The following GAPVD1 variants were observed in gnomAD, a reference collection of about 807,000 sequenced individuals.
The protein encoded by GAPVD1 is GTPase activating protein and VPS9 domains 1.
A neutral mutation model predicts 155.5 loss-of-function variants in GAPVD1; 35 were observed. That is an observed-to-expected ratio of 0.23 (90% CI 0.17 to 0.30). The LOEUF (loss-of-function observed/expected upper bound fraction) is 0.30, where lower values mean the gene tolerates loss of function less well. GAPVD1 is among the 10% of genes least tolerant of loss of function. GAPVD1 has a pLI of 1.00. For missense variants in GAPVD1, 1,429 were observed against 1,775.7 expected, an observed-to-expected ratio of 0.80 and a Z score of 3.51; for synonymous variants, 636 against 619.7, an observed-to-expected ratio of 1.03 and a Z score of -0.39.
intron 15 of GAPVD1, chr9:125,335,127 C>G (rs1589014854): frequency 1.4e-6 from 1 of 729,882 alleles, no homozygotes; most frequent in East Asian, 2.5e-5. Context: ...GAAAAGGCTA[C>G]TAACATATTG....
At chr9:125,285,692 C>G (rs960074044) in intron 2 of GAPVD1, among the ~76,000 whole-genome samples, 1 of 151,902 alleles carries the variant, frequency 6.6e-6, no homozygotes, top group Non-Finnish European at 1.5e-5. Flanking sequence ...AACTCCTGAC[C>G]TCAGGTGATC....
chr9:125,343,044 T>G (rs1274742642), intron 19 of GAPVD1, among the ~76,000 whole-genome samples: 1 of 152,204 alleles, frequency 6.6e-6, no homozygotes, highest in African/African-American at 2.4e-5. Flanking sequence ...AGCTGTGTAT[T>G]GTTTCCAGTG....
intron 26 of GAPVD1, 91 bp downstream of exon 26, chr9:125,359,583 A>G: frequency 1.4e-6 from 1 of 711,844 alleles, no homozygotes. Flanking sequence ...AGGAACTGAA[A>G]TGTGATAAAA....
chr9:125,335,123 G>T (rs1564420735), intron 15 of GAPVD1: 1 of 723,726 alleles, frequency 1.4e-6, no homozygotes, highest in Non-Finnish European at 2.5e-6. Context: ...TTCTGAAAAG[G>T]CTACTAACAT....
chr9:125,334,345 T>G lies in GAPVD1; in HGVS notation c.2428+1716T>G, dbSNP rs549588434. On this transcript the variant is annotated intron_variant, in intron 15 of 27. Coordinates refer to ENST00000297933, the MANE Select transcript of GAPVD1 (RefSeq NM_001282680.3). ...GGAATAAAAATTACTTAATCACATC[T>G]CAACCCTTGAGTATACACCTTTTTA... Among the ~76,000 whole-genome samples, 3 of 151,184 alleles carry G rather than the reference T, an allele frequency of 2.0e-5. No homozygotes were observed. The East Asian group carries it at 5.9e-4, about 30-fold the overall frequency.
At chr9:125,336,300 A>G (rs987345481) in intron 15 of GAPVD1, among the ~76,000 whole-genome samples, 1 of 151,052 alleles carries the variant, frequency 6.6e-6, no homozygotes, top group Non-Finnish European at 1.5e-5. Context: ...CAAAAAAAAA[A>G]AAAAACAAAA....
At chr9:125,326,863 GAA>G (rs1351635420) in intron 12 of GAPVD1, among the ~76,000 whole-genome samples, 3 of 150,698 alleles carry the variant, frequency 2.0e-5, no homozygotes, top group African/African-American at 7.3e-5. Flanking sequence ...CCAGTGTTTT[GAA>G]TTAGCTTCTG....
intron 17 of GAPVD1, among the ~76,000 whole-genome samples, chr9:125,340,482 C>T (rs1164375794): frequency 4.0e-5 from 6 of 151,766 alleles, no homozygotes; most frequent in Non-Finnish European, 8.8e-5. Context: ...TATTTTTTAT[C>T]GATAAAAAAG....
intron 2 of GAPVD1, among the ~76,000 whole-genome samples, chr9:125,289,361 A>G (rs1045482988): frequency 6.6e-6 from 1 of 151,882 alleles, no homozygotes; most frequent in Non-Finnish European, 1.5e-5. Flanking sequence ...AAGCATAGTT[A>G]GTTAGGAAAC....
rs1413994962 is a variant in GAPVD1, at chr9:125,332,153, A to G, written c.2308+93A>G. 13 of 1,210,176 alleles carry G rather than the reference A, an allele frequency of 1.1e-5. No homozygotes were observed. In the East Asian group the frequency reaches 2.8e-4, roughly 26 times the overall value. 75.0% of individuals were successfully genotyped at this position (1,210,176 alleles called of 1,614,324 possible). On this transcript the variant is annotated intron_variant, in intron 14 of 27. Coordinates refer to ENST00000297933, the MANE Select transcript of GAPVD1 (RefSeq NM_001282680.3). ...AAGTTGATACAAAAAGATATGTTAT[A>G]TTTAAGAGCTGAGTAATTTCCAGAA...
At position 125,362,975 on chromosome 9, in the gene GAPVD1, A is replaced by G. The variant is rs1851153019; in HGVS notation, c.*229A>G. On this transcript the variant is annotated 3_prime_UTR_variant, in exon 28 of 28. Transcript: ENST00000297933. ...ATATTCTATTTTCTTGTCCCCAAGT[A>G]GAGACTAGTACTACAAAAAGGGACC... is the stretch of plus-strand genomic sequence containing the variant. 1.0e-5 allele frequency: 3 copies of G among 293,524 alleles called. No homozygotes were observed. The highest frequency in any genetic ancestry group is 1.9e-5 in the Non-Finnish European group (3 of 158,410). The allele number at this position is 293,524 out of a possible 1,614,324, so 18.2% of individuals were successfully genotyped here. A position where few individuals can be genotyped will look rare whatever the true frequency, so the allele number is the denominator to read the frequency against.
chr9:125,345,836 A>T (rs1428126341), intron 19 of GAPVD1: 1 of 152,122 alleles, frequency 6.6e-6, no homozygotes, highest in Non-Finnish European at 1.5e-5. Flanking sequence ...ACACACACAC[A>T]CAAAATACGT....
At chr9:125,331,650 G>T (rs1050416023) in intron 13 of GAPVD1, among the ~76,000 whole-genome samples, 7 of 152,162 alleles carry the variant, frequency 4.6e-5, no homozygotes. Flanking sequence ...ATACTCTCTT[G>T]TCCAGTTCAC....
At chr9:125,336,034 A>G (rs1380032111) in intron 15 of GAPVD1, among the ~76,000 whole-genome samples, 1 of 151,318 alleles carries the variant, frequency 6.6e-6, no homozygotes, top group Non-Finnish European at 1.5e-5. Flanking sequence ...GCTCACAGCT[A>G]TTTGGGAGGC....
At chr9:125,340,638 A>G (rs1320854398) in intron 17 of GAPVD1, among the ~76,000 whole-genome samples, 2 of 152,024 alleles carry the variant, frequency 1.3e-5, no homozygotes, top group African/African-American at 2.4e-5. Flanking sequence ...GCCCTTCTGG[A>G]GTTTATTTGT....
At chr9:125,314,586 G>A (rs142126807) in intron 9 of GAPVD1, among the ~76,000 whole-genome samples, 92 of 151,976 alleles carry the variant, frequency 6.1e-4, no homozygotes, top group African/African-American at 2.1e-3. Context: ...CCCGGGACGT[G>A]GAGGTTGCAG....
intron 2 of GAPVD1, among the ~76,000 whole-genome samples, chr9:125,271,768 C>T (rs893511230): frequency 6.6e-6 from 1 of 152,132 alleles, no homozygotes; most frequent in Admixed American, 6.6e-5. Context: ...CCGTGCTAGT[C>T]TTGAACTCCT....
chr9:125,311,661 C>G (rs1056622668), intron 8 of GAPVD1, among the ~76,000 whole-genome samples: 1 of 152,042 alleles, frequency 6.6e-6, no homozygotes, highest in Non-Finnish European at 1.5e-5. Flanking sequence ...TAACAGTTGC[C>G]TAACTTAAAG....
intron 19 of GAPVD1, among the ~76,000 whole-genome samples, chr9:125,345,184 T>C (rs1448007292): frequency 6.6e-6 from 1 of 151,830 alleles, no homozygotes; most frequent in African/African-American, 2.4e-5. Context: ...TCTCTCTTTT[T>C]TTTTTTTTTC....
Sources: gnomAD v4.1 joint callset for allele counts (sites outside exome capture counted in the v4.1 genomes callset) on GRCh38, gnomAD v4.1.1 for gene constraint, MANE v1.5 for transcripts, NCBI Gene and HGNC (gene_info 2026-07-23, HGNC 2026-07-21) for gene names.